RASSF5: variants seen among roughly 807,000 people sequenced by gnomAD.
RASSF5 encodes ras association domain-containing protein 5.
RASSF5 carries 25 observed loss-of-function variants against 40.5 expected under a neutral mutation model. The observed-to-expected ratio is 0.62, with a 90% CI of 0.45 to 0.86. RASSF5 has a LOEUF of 0.86. Ranked by LOEUF, RASSF5 falls within the 40% of genes least tolerant of loss-of-function variation. The pLI is 0.00. For missense variants in RASSF5, 521 were observed against 572.8 expected, an observed-to-expected ratio of 0.91 and a Z score of 0.92; for synonymous variants, 246 against 252.4, an observed-to-expected ratio of 0.97 and a Z score of 0.24.
At chr1:206,528,708 G>A (rs1667159460) in intron 1 of RASSF5, among the ~76,000 whole-genome samples, 1 of 152,066 alleles carries the variant, frequency 6.6e-6, no homozygotes, top group Non-Finnish European at 1.5e-5. Context: ...CAATTTTACT[G>A]TGAACCGACA....
At chr1:206,559,382 A>G (rs573017712) in intron 2 of RASSF5, among the ~76,000 whole-genome samples, 1 of 152,208 alleles carries the variant, frequency 6.6e-6, no homozygotes, top group Non-Finnish European at 1.5e-5. Flanking sequence ...AGTGGAAAAG[A>G]TAACCGTTTC....
rs893896805 is a variant in RASSF5, at chr1:206,531,233, C to T, written c.458-6939C>T. On this transcript the variant is annotated intron_variant, in intron 1 of 5. Transcript: ENST00000579436. This position sits in a 1 kb window ranked among gnomAD's most constrained non-coding sequence, Gnocchi z 4.7. Reference sequence around the variant, plus strand: ...AGCATTCCTTCCTTTAGTCACTCAACCAATTTGTAGTAGTCCCTTTCTGAA... The same window carrying T: ...AGCATTCCTTCCTTTAGTCACTCAATCAATTTGTAGTAGTCCCTTTCTGAA... Among the ~76,000 whole-genome samples the T allele has an allele frequency of 6.6e-6, 1 of 152,226 alleles. No individual in the cohort carries two copies. The highest frequency in any genetic ancestry group is 1.5e-5 in the Non-Finnish European group (1 of 68,036).
At chr1:206,526,007 C>T (rs1198700355) in intron 1 of RASSF5, among the ~76,000 whole-genome samples, 5 of 152,136 alleles carry the variant, frequency 3.3e-5, no homozygotes, top group African/African-American at 9.7e-5. Flanking sequence ...CCCTTCTCAC[C>T]GGCCTTGGAG....
chr1:206,557,701 T>C (rs1553401988), intron 2 of RASSF5: 1 of 1,613,888 alleles, frequency 6.2e-7, no homozygotes, highest in Admixed American at 1.7e-5. Context: ...AAGGTAAACA[T>C]AATAATGGAA....
Position 206,535,960 on chromosome 1 carries a change from C to T in RASSF5, c.458-2212C>T, listed in dbSNP as rs1342145304. On this transcript the variant is annotated intron_variant, in intron 1 of 5. Coordinates refer to ENST00000579436, the MANE Select transcript of RASSF5 (RefSeq NM_182663.4). This position sits in a 1 kb window ranked among gnomAD's most constrained non-coding sequence, Gnocchi z 5.0. ...TTCCTTGCTGCCATTTCTTGGCATC[C>T]TCAGAGCATTCTTCATCGCTCAGAG... Among the ~76,000 whole-genome samples the T allele has an allele frequency of 1.3e-5, 2 of 152,102 alleles. No homozygotes were observed. Among genetic ancestry groups the T allele is most frequent in the African/African-American group, 4.8e-5 (2 of 41,422 alleles).
rs570039354 is a variant in RASSF5, at chr1:206,584,664, G to A, written c.968G>A (p.Arg323Gln). The change falls in exon 4 of 6, where the codon CGG (arginine) becomes CAG (glutamine). Residue 323 changes from arginine to glutamine, a missense_variant. This residue lies in a region of RASSF5 where 284 missense variants were observed against 360.8 expected (regional missense o/e 0.79). Transcript: ENST00000579436. This position sits in a 1 kb window ranked among gnomAD's most constrained non-coding sequence, Gnocchi z 4.9. ...DNPQKFALFK[R>Q]IHKDGQVLFQ... ...CCCCAGAAGTTTGCACTTTTTAAGC[G>A]GATACACAAGGACGGACAAGGTAGG... 3.7e-5 allele frequency: 60 copies of A among 1,614,192 alleles called. No individual in the cohort carries two copies. Among genetic ancestry groups the A allele is most frequent in the East Asian group, 1.3e-4 (6 of 44,880 alleles).
chr1:206,512,075 T>C (rs1257127309), intron 1 of RASSF5, among the ~76,000 whole-genome samples: 1 of 152,178 alleles, frequency 6.6e-6, no homozygotes, highest in Non-Finnish European at 1.5e-5. Context: ...GCGTGTGTTT[T>C]CCTTGATTTA....
intron 2 of RASSF5, among the ~76,000 whole-genome samples, chr1:206,578,152 G>T (rs1235417930): frequency 6.6e-6 from 1 of 152,042 alleles, no homozygotes; most frequent in Non-Finnish European, 1.5e-5. Context: ...CTTGAGCCTA[G>T]GAGGTCGAGG....
At chr1:206,524,240 T>C (rs1553396770) in intron 1 of RASSF5, among the ~76,000 whole-genome samples, 1 of 139,434 alleles carries the variant, frequency 7.2e-6, no homozygotes, top group Non-Finnish European at 1.5e-5. Context: ...CCATATGTAA[T>C]ACATTTTATA....
chr1:206,514,643 T>G (rs1666703441), intron 1 of RASSF5, among the ~76,000 whole-genome samples: 1 of 152,224 alleles, frequency 6.6e-6, no homozygotes, highest in Non-Finnish European at 1.5e-5. Context: ...AAACTTGGCT[T>G]ACATAGACCT....
At chr1:206,529,823 G>A (rs1372824012) in intron 1 of RASSF5, 1 of 377,874 alleles carries the variant, frequency 2.6e-6, no homozygotes, top group African/African-American at 2.1e-5. Flanking sequence ...TACTCAGTGG[G>A]AGGATTGCTT....
intron 1 of RASSF5, among the ~76,000 whole-genome samples, chr1:206,536,945 C>A (rs1443015176): frequency 6.6e-6 from 1 of 152,186 alleles, no homozygotes; most frequent in Non-Finnish European, 1.5e-5. Context: ...GAGGACCACA[C>A]CTCAGATCCG....
intron 2 of RASSF5, among the ~76,000 whole-genome samples, chr1:206,573,241 G>A (rs1221843688): frequency 6.6e-6 from 1 of 152,014 alleles, no homozygotes; most frequent in African/African-American, 2.4e-5. Flanking sequence ...TGGGCGGACT[G>A]CTTGATTTTT....
At chr1:206,562,629 C>T (rs781802378) in intron 2 of RASSF5, among the ~76,000 whole-genome samples, 2 of 152,168 alleles carry the variant, frequency 1.3e-5, no homozygotes, top group Non-Finnish European at 2.9e-5. Context: ...ACATCAAGTA[C>T]TTGGTTACAA....
chr1:206,514,553 T>A (rs17046753), intron 1 of RASSF5, among the ~76,000 whole-genome samples: 2 of 152,168 alleles, frequency 1.3e-5, no homozygotes, highest in Non-Finnish European at 2.9e-5. Context: ...TCCTGTTTTT[T>A]GAACAAACAT....
chr1:206,557,271 C>T, intron 2 of RASSF5: 9 of 1,162,114 alleles, frequency 7.7e-6, no homozygotes, highest in Non-Finnish European at 8.5e-6. Context: ...GGACACGAAA[C>T]CGCAGAGCCC....
At position 206,552,887 on chromosome 1, in the gene RASSF5, C is replaced by T. The variant is rs139771713; in HGVS notation, c.579+14594C>T. 6.6e-6 allele frequency among the ~76,000 whole-genome samples: 1 copy of T among 152,154 alleles called. No individual in the cohort carries two copies. The highest frequency in any genetic ancestry group is 1.5e-5 in the Non-Finnish European group (1 of 68,034). ...TTATTCATGCCCAAACTCAGACACT[C>T]AGTCTAGTGCTTGCCTGAAGAAAGT... On this transcript the variant is annotated intron_variant, in intron 2 of 5. Transcript: ENST00000579436. The surrounding 1 kb of genome is among the most constrained non-coding windows in gnomAD (Gnocchi z 4.1).
chr1:206,567,265 C>T (rs1221240404), intron 2 of RASSF5, among the ~76,000 whole-genome samples: 5 of 152,052 alleles, frequency 3.3e-5, no homozygotes, highest in South Asian at 4.2e-4. Flanking sequence ...GTGGGGCCTC[C>T]GAGGGGGTTG....
rs1172279158 is a variant in RASSF5, at chr1:206,535,713, GTGGT to G, written c.458-2458_458-2455del. Among the ~76,000 whole-genome samples, 6 of 46,678 alleles carry G rather than the reference GTGGT, an allele frequency of 1.3e-4. No individual in the cohort carries two copies. The highest frequency in any genetic ancestry group is 1.9e-4 in the Non-Finnish European group (4 of 21,080). The allele number at this position is 46,678 out of a possible 152,430, so 30.6% of individuals were successfully genotyped here. ...TGTGTGTGTGTGTGTCTGTGTGTGTGTGGTGTGTGTGTGTGTGTGTGTGTGTGTG... is the reference window on the plus strand; with the variant it reads ...TGTGTGTGTGTGTGTCTGTGTGTGTGGTGTGTGTGTGTGTGTGTGTGTGTG... On this transcript the variant is annotated intron_variant, in intron 1 of 5. Transcript: ENST00000579436. This position sits in a 1 kb window ranked among gnomAD's most constrained non-coding sequence, Gnocchi z 5.0.
Sources: gnomAD v4.1 joint callset for allele counts (sites outside exome capture counted in the v4.1 genomes callset) on GRCh38, gnomAD v4.1.1 for gene constraint, gnomAD v4.1.1 regional missense constraint, Gnocchi (gnomAD v3.1) non-coding constraint, MANE v1.5 for transcripts, NCBI Gene and HGNC (gene_info 2026-07-23, HGNC 2026-07-21) for gene names.